GPR158: variants seen among roughly 807,000 people sequenced by gnomAD.
GPR158 encodes the protein G protein-coupled receptor 158.
Under a neutral mutation model 78.2 loss-of-function variants are expected in GPR158, and 30 were observed. The observed-to-expected ratio is 0.38, with a 90% CI of 0.29 to 0.52. The LOEUF is 0.52. Ranked by LOEUF, GPR158 falls within the 20% of genes least tolerant of loss-of-function variation. The probability of loss-of-function intolerance (pLI) is 0.83; values close to 1 mark genes in which losing one functional copy is unlikely to be tolerated. For synonymous variants in GPR158, 581 were observed against 591.1 expected (o/e 0.98, Z 0.25); for missense variants, 1,463 against 1,523.5 (o/e 0.96, Z 0.66).
At chr10:25,396,050 T>A in intron 3 of GPR158, 37 bp downstream of exon 3, 1 of 858,960 alleles carries the variant, frequency 1.2e-6, no homozygotes, top group Non-Finnish European at 2.0e-6. Flanking sequence ...TATATGTATA[T>A]ACATCATATA....
chr10:25,385,915 A>G (rs772053664), intron 2 of GPR158, among the ~76,000 whole-genome samples: 2 of 152,108 alleles, frequency 1.3e-5, no homozygotes, highest in Non-Finnish European at 2.9e-5. Flanking sequence ...CTGACTTTTC[A>G]TTCTGTTGAT....
rs576498530 is a variant in GPR158, at chr10:25,445,063, C to A, written c.1336-21588C>A. ...TTGAAATGGAGATGGAATATAAAGT[C>A]TTTCTTAGATGTAACAGAAATGTAC... On this transcript the variant is annotated intron_variant, in intron 4 of 10. Coordinates refer to ENST00000376351, the MANE Select transcript of GPR158 (RefSeq NM_020752.3). 4.6e-5 allele frequency among the ~76,000 whole-genome samples: 7 copies of A among 152,148 alleles called. No homozygotes were observed. The South Asian group carries it at 1.5e-3, about 32-fold the overall frequency.
intron 6 of GPR158, among the ~76,000 whole-genome samples, chr10:25,559,337 A>C (rs1836831649): frequency 6.6e-6 from 1 of 151,964 alleles, no homozygotes; most frequent in South Asian, 2.1e-4. Flanking sequence ...TTTTGTCTTT[A>C]TAGTAAGTAT....
intron 5 of GPR158, among the ~76,000 whole-genome samples, chr10:25,488,209 G>A (rs1347064639): frequency 1.3e-5 from 2 of 152,086 alleles, no homozygotes; most frequent in Admixed American, 1.3e-4. Flanking sequence ...CCATTGAAGA[G>A]GCAGCAGGAA....
intron 2 of GPR158, among the ~76,000 whole-genome samples, chr10:25,256,303 G>A (rs886988326): frequency 5.3e-5 from 8 of 152,042 alleles, no homozygotes; most frequent in Non-Finnish European, 5.9e-5. Context: ...TTCCAAGAAC[G>A]TGCAATTCAA....
chr10:25,390,502 GC>G (rs1834279614), intron 2 of GPR158, among the ~76,000 whole-genome samples: 1 of 152,222 alleles, frequency 6.6e-6, no homozygotes, highest in South Asian at 2.1e-4. Flanking sequence ...GTGGCATTCT[GC>G]CCCTGCCCTA....
intron 2 of GPR158, among the ~76,000 whole-genome samples, chr10:25,387,916 T>C (rs1834244586): frequency 6.6e-6 from 1 of 152,202 alleles, no homozygotes; most frequent in African/African-American, 2.4e-5. Context: ...TGGGCACTTT[T>C]TTATTGGGAA....
chr10:25,310,167 T>C (rs1004782442), intron 2 of GPR158, among the ~76,000 whole-genome samples: 2 of 152,198 alleles, frequency 1.3e-5, no homozygotes, highest in Non-Finnish European at 2.9e-5. Flanking sequence ...GTCCTTTCCC[T>C]GTTGAGTAGC....
intron 4 of GPR158, among the ~76,000 whole-genome samples, chr10:25,418,525 C>T (rs1046047800): frequency 7.9e-5 from 12 of 151,932 alleles, no homozygotes; most frequent in African/African-American, 2.9e-4. Context: ...TCTTCTAAAA[C>T]AACAAGAATT....
chr10:25,312,270 A>T (rs1286570980), intron 2 of GPR158, among the ~76,000 whole-genome samples: 1 of 152,168 alleles, frequency 6.6e-6, no homozygotes, highest in South Asian at 2.1e-4. Flanking sequence ...TTTGTTATAT[A>T]TATATCAGAG....
intron 1 of GPR158, among the ~76,000 whole-genome samples, chr10:25,209,173 A>G (rs939886014): frequency 1.3e-5 from 2 of 152,052 alleles, no homozygotes; most frequent in Non-Finnish European, 2.9e-5. Flanking sequence ...TTCTTTAGGC[A>G]GTTCTCTTTT....
At chr10:25,433,532 G>GTGTA (rs1564454546) in intron 4 of GPR158, among the ~76,000 whole-genome samples, 4 of 24,884 alleles carry the variant, frequency 1.6e-4, no homozygotes, top group Non-Finnish European at 2.9e-4. Context: ...TTAGTTAGGG[G>GTGTA]TGTGTGTGTG....
At chr10:25,422,745 G>A (rs187528795) in intron 4 of GPR158, among the ~76,000 whole-genome samples, 31 of 151,726 alleles carry the variant, frequency 2.0e-4, no homozygotes, top group African/African-American at 6.0e-4. Flanking sequence ...AACACGTGGT[G>A]TTGGGTTACA....
At chr10:25,305,405 A>G (rs1465648258) in intron 2 of GPR158, among the ~76,000 whole-genome samples, 1 of 152,236 alleles carries the variant, frequency 6.6e-6, no homozygotes, top group Non-Finnish European at 1.5e-5. Flanking sequence ...AGTTTCCAGG[A>G]AAACTCAAAG....
At chr10:25,589,334 C>T (rs1465312092) in intron 8 of GPR158, among the ~76,000 whole-genome samples, 189 bp downstream of exon 8, 4 of 152,120 alleles carry the variant, frequency 2.6e-5, no homozygotes, top group South Asian at 2.1e-4. Context: ...TTAGTTCCTT[C>T]GGCTGTGTTG....
Position 25,591,545 on chromosome 10 carries a change from G to A in GPR158, c.1892+2400G>A, listed in dbSNP as rs996441521. On this transcript the variant is annotated intron_variant, in intron 8 of 10. Transcript: ENST00000376351. ...CCATGTTGAACCTAGTAAATTTGGT[G>A]TTGAATAGACATGATGTACTTGCAA... 3.3e-5 allele frequency among the ~76,000 whole-genome samples: 5 copies of A among 152,120 alleles called. No homozygotes were observed. The East Asian group carries it at 9.6e-4, about 29-fold the overall frequency.
intron 4 of GPR158, among the ~76,000 whole-genome samples, chr10:25,425,418 T>C (rs1834806551): frequency 6.6e-6 from 1 of 152,088 alleles, no homozygotes; most frequent in Non-Finnish European, 1.5e-5. Flanking sequence ...TGCATTTCCC[T>C]GATAATTAGT....
Position 25,572,646 on chromosome 10 carries a change from T to G in GPR158, c.1515-3T>G. 2 of 1,589,848 alleles carry G rather than the reference T, an allele frequency of 1.3e-6. No homozygotes were observed. The highest frequency in any genetic ancestry group is 1.7e-6 in the Non-Finnish European group (2 of 1,157,874). On this transcript the variant is annotated splice_region_variant and splice_polypyrimidine_tract_variant and intron_variant, in intron 6 of 10. Transcript: ENST00000376351. ...TTTCACATTTGAACTTTTGCTTTTC[T>G]AGGGTTTTGAAGGTGTTTCTTTCAC... is the stretch of plus-strand genomic sequence containing the variant.
At chr10:25,405,830 A>G (rs979035671) in intron 3 of GPR158, among the ~76,000 whole-genome samples, 3 of 152,068 alleles carry the variant, frequency 2.0e-5, no homozygotes, top group African/African-American at 7.2e-5. Context: ...CTAGGAAGTA[A>G]ATTGTTTTGT....
Sources: gnomAD v4.1 joint callset for allele counts (sites outside exome capture counted in the v4.1 genomes callset) on GRCh38, gnomAD v4.1.1 for gene constraint, MANE v1.5 for transcripts, NCBI Gene and HGNC (gene_info 2026-07-23, HGNC 2026-07-21) for gene names.